IGF2BP2: variants seen among roughly 807,000 people sequenced by gnomAD.
IGF2BP2 encodes the protein insulin-like growth factor 2 mRNA-binding protein 2.
In IGF2BP2, 17 loss-of-function variants were observed where a neutral mutation model predicts 75.8. That is an observed-to-expected ratio of 0.22 (90% CI 0.15 to 0.34). IGF2BP2 has a LOEUF of 0.34. Ranked by LOEUF, IGF2BP2 falls within the 10% of genes least tolerant of loss-of-function variation. The probability of loss-of-function intolerance (pLI) is 1.00; values close to 1 mark genes in which losing one functional copy is unlikely to be tolerated. For synonymous variants in IGF2BP2, 288 were observed against 295.6 expected, an observed-to-expected ratio of 0.97 and a Z score of 0.26; for missense variants, 516 against 772.4, an observed-to-expected ratio of 0.67 and a Z score of 3.93.
At chr3:185,796,714 G>C (rs1363221177) in intron 2 of IGF2BP2, among the ~76,000 whole-genome samples, 1 of 151,296 alleles carries the variant, frequency 6.6e-6, no homozygotes, top group African/African-American at 2.4e-5. Context: ...AGGATGTCCA[G>C]AGTGTAGTAC....
intron 2 of IGF2BP2, among the ~76,000 whole-genome samples, chr3:185,749,189 A>G (rs1211621988): frequency 6.6e-6 from 1 of 152,196 alleles, no homozygotes; most frequent in East Asian, 1.9e-4. Context: ...AAAAGAAAAA[A>G]AAATTCTCTC....
intron 2 of IGF2BP2, among the ~76,000 whole-genome samples, chr3:185,762,128 C>T (rs1045842008): frequency 3.3e-5 from 5 of 152,100 alleles, no homozygotes; most frequent in African/African-American, 1.2e-4. Flanking sequence ...TGGCTCACGC[C>T]TGTAATCCCA....
intron 2 of IGF2BP2, among the ~76,000 whole-genome samples, chr3:185,766,354 C>A (rs1733055727): frequency 6.6e-6 from 1 of 152,026 alleles, no homozygotes; most frequent in South Asian, 2.1e-4. Flanking sequence ...CGTGGACCAA[C>A]AAACTACGGT....
chr3:185,654,490 T>G lies in IGF2BP2; in HGVS notation c.1387-2322A>C, dbSNP rs371341003. On this transcript the variant is annotated intron_variant, in intron 12 of 15. Coordinates refer to ENST00000382199, the MANE Select transcript of IGF2BP2 (RefSeq NM_006548.6). ...CGAATGGCTGATTCATGATTCACGCTGACCAAATCAGTTCTGCCATCACCG... is the reference window on the plus strand; with the variant it reads ...CGAATGGCTGATTCATGATTCACGCGGACCAAATCAGTTCTGCCATCACCG... Among the ~76,000 whole-genome samples, 14 of 152,330 alleles carry G rather than the reference T, an allele frequency of 9.2e-5. No individual in the cohort carries two copies. In the South Asian group the frequency reaches 2.9e-3, roughly 32 times the overall value.
chr3:185,702,140 C>T (rs990395639), intron 2 of IGF2BP2, among the ~76,000 whole-genome samples: 4 of 152,158 alleles, frequency 2.6e-5, no homozygotes, highest in Non-Finnish European at 5.9e-5. Flanking sequence ...TCAACCCCCG[C>T]GGTGATTTCA....
chr3:185,758,625 T>C (rs1056474851), intron 2 of IGF2BP2, among the ~76,000 whole-genome samples: 13 of 152,212 alleles, frequency 8.5e-5, no homozygotes, highest in African/African-American at 3.1e-4. Context: ...GTGTTAGCAC[T>C]GCTGCATATC....
chr3:185,684,652 C>T (rs1720863387), intron 7 of IGF2BP2, among the ~76,000 whole-genome samples: 1 of 152,186 alleles, frequency 6.6e-6, no homozygotes, highest in African/African-American at 2.4e-5. Flanking sequence ...AGTGATCCGC[C>T]CGCTTCAGCC....
At chr3:185,660,856 G>T (rs570014852) in intron 10 of IGF2BP2, among the ~76,000 whole-genome samples, 4 of 152,136 alleles carry the variant, frequency 2.6e-5, no homozygotes, top group Non-Finnish European at 5.9e-5. Flanking sequence ...CTGAAGAATC[G>T]TTCCTTCAGG....
intron 10 of IGF2BP2, among the ~76,000 whole-genome samples, chr3:185,671,041 T>G (rs1165597927): frequency 6.6e-6 from 1 of 152,174 alleles, no homozygotes; most frequent in African/African-American, 2.4e-5. Flanking sequence ...TGGTTGTACC[T>G]CATTGGGCCA....
At chr3:185,720,709 C>A (rs191087041) in intron 2 of IGF2BP2, among the ~76,000 whole-genome samples, 95 of 152,342 alleles carry the variant, frequency 6.2e-4, no homozygotes, top group Admixed American at 2.7e-3. Flanking sequence ...GATCTTACAG[C>A]TGACATTCTT....
intron 2 of IGF2BP2, among the ~76,000 whole-genome samples, chr3:185,804,048 G>C (rs923663052): frequency 6.6e-6 from 1 of 152,052 alleles, no homozygotes; most frequent in African/African-American, 2.4e-5. Context: ...CACGAGGTCA[G>C]GAGCTCAAGA....
rs1725055488 is a variant in IGF2BP2 at position 185,713,108 on chromosome 3, G to C, written c.240-14761C>G. On this transcript the variant is annotated intron_variant, in intron 2 of 15. Coordinates refer to ENST00000382199, the MANE Select transcript of IGF2BP2 (RefSeq NM_006548.6). ...TGTGTGTGTGTGTGTGTGTGCAAGA[G>C]ACATATATGTGTGTGTGTGTGTCTT... The C allele has an allele frequency of 1.5e-5, 4 of 270,922 alleles. No individual in the cohort carries two copies. The South Asian group carries it at 1.7e-4, about 12-fold the overall frequency. The allele number at this position is 270,922 out of a possible 1,614,324, so 16.8% of individuals were successfully genotyped here.
chr3:185,678,472 T>C (rs914188441), intron 7 of IGF2BP2, among the ~76,000 whole-genome samples: 2 of 152,254 alleles, frequency 1.3e-5, no homozygotes, highest in Admixed American at 1.3e-4. Flanking sequence ...CTTGTGCTGC[T>C]GATTTCTGGT....
chr3:185,716,939 G>A (rs1358584166), intron 2 of IGF2BP2: 8 of 417,692 alleles, frequency 1.9e-5, no homozygotes, highest in South Asian at 1.1e-4. Context: ...GCCAGACTCC[G>A]CCTTCTGTGA....
intron 2 of IGF2BP2, among the ~76,000 whole-genome samples, chr3:185,781,209 T>TA (rs150800838): frequency 0.045 from 6,826 of 152,220 alleles, 183 homozygotes; most frequent in South Asian, 0.1. Context: ...TCTGCATTTT[T>TA]AAAAAAATTG....
At chr3:185,738,228 G>A (rs1229188463) in intron 2 of IGF2BP2, among the ~76,000 whole-genome samples, 1 of 152,166 alleles carries the variant, frequency 6.6e-6, no homozygotes, top group Non-Finnish European at 1.5e-5. Flanking sequence ...TACTTCAAAA[G>A]ACATTAACTG....
intron 2 of IGF2BP2, among the ~76,000 whole-genome samples, chr3:185,800,353 C>G (rs1426541810): frequency 6.6e-6 from 1 of 151,948 alleles, no homozygotes; most frequent in Non-Finnish European, 1.5e-5. Context: ...GTTCAGCAAA[C>G]CAACATATGG....
intron 3 of IGF2BP2, among the ~76,000 whole-genome samples, chr3:185,697,069 T>C (rs1432055385): frequency 1.3e-5 from 2 of 152,064 alleles, no homozygotes; most frequent in Non-Finnish European, 2.9e-5. Flanking sequence ...GATGTGTATG[T>C]TTGAAATGTT....
At chr3:185,759,178 G>A (rs1420059495) in intron 2 of IGF2BP2, among the ~76,000 whole-genome samples, 1 of 152,160 alleles carries the variant, frequency 6.6e-6, no homozygotes, top group Non-Finnish European at 1.5e-5. Context: ...ATGAATAAGA[G>A]TGCCAGTCTT....
Sources: allele counts gnomAD v4.1 joint callset (sites outside exome capture counted in the v4.1 genomes callset), GRCh38; gene constraint gnomAD v4.1.1; transcripts MANE v1.5; gene names NCBI Gene and HGNC (gene_info 2026-07-23, HGNC 2026-07-21).